LRMDA: variants seen among roughly 807,000 people sequenced by gnomAD.
LRMDA encodes leucine rich melanocyte differentiation associated.
In LRMDA, 18 loss-of-function variants were observed where a neutral mutation model predicts 29.8. That is an observed-to-expected ratio of 0.60 (90% CI 0.42 to 0.90). LRMDA has a LOEUF of 0.90. Among genes scored for constraint, LRMDA ranks in the 40% least tolerant of loss-of-function variants. The pLI is 0.00. For missense variants in LRMDA, 273 were observed against 273.9 expected (o/e 1.00, Z 0.02); for synonymous variants, 125 against 109.4 (o/e 1.14, Z -0.89).
chr10:75,569,517 TAGCAATCAAC>T (rs1334894978), intron 2 of LRMDA, among the ~76,000 whole-genome samples: 1 of 152,250 alleles, frequency 6.6e-6, no homozygotes, highest in African/African-American at 2.4e-5. Context: ...CCTGTCAGTT[TAGCAATCAAC>T]AGCAATAAAA....
In LRMDA at chr10:76,002,058, C is replaced by T. The variant is rs190106194; in HGVS notation, c.132-33950C>T. The stretch of plus-strand genomic sequence containing the variant: ...GGCTTAAACACAGACATTTGTTTCT[C>T]ACAGTTCTGGAGTCTGGAAGTCCAA... On this transcript the variant is annotated intron_variant, in intron 2 of 6. Coordinates refer to ENST00000611255, the MANE Select transcript of LRMDA (RefSeq NM_001305581.2). Among the ~76,000 whole-genome samples, 215 of 152,296 alleles carry T rather than the reference C, an allele frequency of 1.4e-3. 1 individual carries two copies. The highest frequency in any genetic ancestry group is 3.4e-3 in the Middle Eastern group (1 of 294).
intron 2 of LRMDA, among the ~76,000 whole-genome samples, chr10:75,822,612 A>T (rs1035482459): frequency 6.6e-6 from 1 of 152,224 alleles, no homozygotes; most frequent in African/African-American, 2.4e-5. Context: ...TATAAAAATT[A>T]TACTTGGAAA....
chr10:75,873,031 T>C (rs1333202315), intron 2 of LRMDA, among the ~76,000 whole-genome samples: 1 of 152,150 alleles, frequency 6.6e-6, no homozygotes, highest in East Asian at 1.9e-4. Context: ...AATCATGCTT[T>C]TGCATGCACA....
intron 2 of LRMDA, among the ~76,000 whole-genome samples, chr10:75,811,724 G>A (rs1307099600): frequency 3.9e-5 from 6 of 152,228 alleles, no homozygotes; most frequent in Non-Finnish European, 8.8e-5. Flanking sequence ...TGGAGCTCAT[G>A]CTCCCATTCC....
chr10:76,077,733 A>C (rs533409528), intron 5 of LRMDA, among the ~76,000 whole-genome samples: 16 of 152,208 alleles, frequency 1.1e-4, no homozygotes, highest in Admixed American at 9.8e-4. Flanking sequence ...TTTTCAGGAA[A>C]TAGGGTACTT....
rs1439125485 is a variant in LRMDA at position 75,965,878 on chromosome 10, T to TTTA, written c.132-70128_132-70126dup. Among the ~76,000 whole-genome samples, 17 of 152,156 alleles carry TTTA rather than the reference T, an allele frequency of 1.1e-4. 1 individual carries two copies. Among genetic ancestry groups the TTTA allele is most frequent in the Admixed American group, 3.9e-4 (6 of 15,280 alleles). ...TCATCCCTGGCTCCTTGACACTGGG[T>TTTA]TTATACACATTATAGGGAGGCAATG... On this transcript the variant is annotated intron_variant, in intron 2 of 6. Coordinates refer to ENST00000611255, the MANE Select transcript of LRMDA (RefSeq NM_001305581.2).
chr10:75,645,295 C>G (rs2132122386), intron 2 of LRMDA, among the ~76,000 whole-genome samples: 1 of 152,288 alleles, frequency 6.6e-6, no homozygotes, highest in South Asian at 2.1e-4. Flanking sequence ...TTATTTTACT[C>G]TTAAAGATAA....
At chr10:75,905,785 G>A (rs1271458465) in intron 2 of LRMDA, among the ~76,000 whole-genome samples, 1 of 152,116 alleles carries the variant, frequency 6.6e-6, no homozygotes, top group Non-Finnish European at 1.5e-5. Context: ...CATAGACAAT[G>A]TTCATGCTGT....
At chr10:76,232,598 C>A (rs548587191) in intron 5 of LRMDA, among the ~76,000 whole-genome samples, 41 of 152,330 alleles carry the variant, frequency 2.7e-4, no homozygotes, top group Non-Finnish European at 5.7e-4. Context: ...GATGCCCTAC[C>A]CTGGCCTTGC....
intron 2 of LRMDA, among the ~76,000 whole-genome samples, chr10:75,988,995 C>T (rs193072177): frequency 5.3e-4 from 81 of 152,340 alleles, no homozygotes; most frequent in African/African-American, 1.9e-3. Context: ...CCAGCTACCT[C>T]TGCTTCTTGC....
intron 5 of LRMDA, among the ~76,000 whole-genome samples, chr10:76,215,751 G>A (rs1851717098): frequency 6.6e-6 from 1 of 152,132 alleles, no homozygotes; most frequent in Non-Finnish European, 1.5e-5. Context: ...ATCTGTAGTT[G>A]CCTGATTTAT....
chr10:75,523,783 C>T (rs1845386727), intron 2 of LRMDA, among the ~76,000 whole-genome samples: 1 of 152,308 alleles, frequency 6.6e-6, no homozygotes, highest in South Asian at 2.1e-4. Flanking sequence ...TCCATCTGTG[C>T]CATCCTTCTC....
chr10:76,123,998 T>C (rs1898080), intron 5 of LRMDA, among the ~76,000 whole-genome samples: 83,919 of 151,544 alleles, frequency 0.55, 24,718 homozygotes, highest in African/African-American at 0.76. Flanking sequence ...TGATCTTTTC[T>C]CTCCCACTCC....
At chr10:75,494,614 C>T (rs187968500) in intron 2 of LRMDA, among the ~76,000 whole-genome samples, 1 of 143,062 alleles carries the variant, frequency 7.0e-6, no homozygotes, top group Non-Finnish European at 1.5e-5. Context: ...GATTCTCATG[C>T]CTCAGCCTCT....
intron 6 of LRMDA, among the ~76,000 whole-genome samples, chr10:76,547,058 G>A (rs1167990298): frequency 6.6e-6 from 1 of 152,112 alleles, no homozygotes; most frequent in Non-Finnish European, 1.5e-5. Context: ...GGGAGGGGGA[G>A]CATTAAAAGA....
intron 2 of LRMDA, among the ~76,000 whole-genome samples, chr10:75,870,686 G>T (rs1427981400): frequency 6.6e-6 from 1 of 152,142 alleles, no homozygotes; most frequent in African/African-American, 2.4e-5. Context: ...CTTAGACCTT[G>T]TGATCTCTCC....
chr10:75,476,718 C>T (rs1283400040), intron 2 of LRMDA, among the ~76,000 whole-genome samples: 1 of 152,188 alleles, frequency 6.6e-6, no homozygotes, highest in East Asian at 1.9e-4. Context: ...GTTTTCCCAG[C>T]TCTTGGTGTT....
rs1379157512 is a variant in LRMDA, at chr10:76,554,867, GGTGGTGTGTGTGTGTGTGTGTGTGTGT to G, written c.602-2324_602-2298del. Among the ~76,000 whole-genome samples the G allele has an allele frequency of 1.1e-4, 5 of 47,422 alleles. No homozygotes were observed. In the South Asian group the frequency reaches 4.6e-3, roughly 43 times the overall value. 31.1% of individuals were successfully genotyped at this position (47,422 alleles called of 152,430 possible). A position where few individuals can be genotyped will look rare whatever the true frequency, so the allele number is the denominator to read the frequency against. On this transcript the variant is annotated intron_variant, in intron 6 of 6. Transcript: ENST00000611255. ...TACTGGAGAGAGGGCACTCATGGTG[GGTGGTGTGTGTGTGTGTGTGTGTGTGT>G]GTGGTGTGTGTGTGTGTTTGCCTTT...
chr10:75,617,759 T>C (rs542233728), intron 2 of LRMDA, among the ~76,000 whole-genome samples: 1 of 152,282 alleles, frequency 6.6e-6, no homozygotes, highest in Middle Eastern at 3.4e-3. Context: ...CCTCAGTCTT[T>C]TGCAGTTCTT....
Sources: gnomAD v4.1 joint callset for allele counts (sites outside exome capture counted in the v4.1 genomes callset) on GRCh38, gnomAD v4.1.1 for gene constraint, MANE v1.5 for transcripts, NCBI Gene and HGNC (gene_info 2026-07-23, HGNC 2026-07-21) for gene names.